MTAP: variants seen among roughly 807,000 people sequenced by gnomAD.
MTAP encodes the protein S-methyl-5'-thioadenosine phosphorylase.
A neutral mutation model predicts 33.6 loss-of-function variants in MTAP; 33 were observed. The ratio of observed to expected loss-of-function variants is 0.98; its 90% CI spans 0.74 to 1.31. The LOEUF is 1.31. Among genes scored for constraint, MTAP ranks in the 40% most tolerant of loss-of-function variants. The pLI is 0.00. For missense variants in MTAP, 367 were observed against 360.0 expected (o/e 1.02, Z -0.16); for synonymous variants, 148 against 125.7 (o/e 1.18, Z -1.19).
chr9:21,936,350 C>T (rs1819041351), exon 8 of MTAP: 1 of 152,220 alleles, frequency 6.6e-6, no homozygotes, highest in South Asian at 2.1e-4. Context: ...TTGGACATAT[C>T]TATCCAGACA....
At chr9:21,826,677 C>A (rs1267994174) in intron 4 of MTAP, among the ~76,000 whole-genome samples, 1 of 149,884 alleles carries the variant, frequency 6.7e-6, no homozygotes, top group African/African-American at 2.5e-5. Context: ...ATATATTGTT[C>A]CTTTACCCCC....
chr9:21,909,860 T>C (rs570441290), intron 1 of MTAP, among the ~76,000 whole-genome samples: 54 of 152,280 alleles, frequency 3.5e-4, no homozygotes, highest in Non-Finnish European at 6.6e-4. Context: ...AAGCTCGGGA[T>C]GTTATGTAAC....
chr9:21,931,092 T>C (rs1268627930), exon 2 of MTAP: 1 of 764,050 alleles, frequency 1.3e-6, no homozygotes, highest in Admixed American at 1.7e-5. Flanking sequence ...ACTCCTAGAC[T>C]TCCCATCAGT....
At chr9:21,856,310 C>T (rs1825641269) in intron 6 of MTAP, 1 of 311,718 alleles carries the variant, frequency 3.2e-6, no homozygotes, top group East Asian at 1.7e-4. Context: ...TGTTTTGGGT[C>T]ATAGATGAAC....
intron 1 of MTAP, among the ~76,000 whole-genome samples, chr9:21,916,844 A>G (rs1211806366): frequency 6.6e-6 from 1 of 152,168 alleles, no homozygotes; most frequent in Admixed American, 6.5e-5. Flanking sequence ...GAAAGAAAAA[A>G]AAATCTGTTG....
chr9:21,808,818 T>C (rs1353540681), intron 1 of MTAP: 4 of 152,200 alleles, frequency 2.6e-5, no homozygotes, highest in African/African-American at 4.8e-5. Context: ...TATTCTGTTA[T>C]AGCAGCAGAA....
exon 8 of MTAP, chr9:21,936,365 A>G (rs550416038): frequency 5.3e-5 from 8 of 152,352 alleles, no homozygotes; most frequent in African/African-American, 1.7e-4. Context: ...CAGACAGATG[A>G]TGATAAATTT....
At chr9:21,849,736 C>T (rs1171818919) in intron 5 of MTAP, among the ~76,000 whole-genome samples, 1 of 152,240 alleles carries the variant, frequency 6.6e-6, no homozygotes, top group Non-Finnish European at 1.5e-5. Context: ...CCCCATTTAT[C>T]TCTCCCATTT....
intron 4 of MTAP, among the ~76,000 whole-genome samples, chr9:21,819,911 ATG>A (rs1288593769): frequency 2.0e-5 from 3 of 152,044 alleles, no homozygotes; most frequent in Non-Finnish European, 2.9e-5. Context: ...GCATTTTTTC[ATG>A]TGTCTTTTGG....
In MTAP at chr9:21,864,350, A is replaced by T. The variant is rs1325537904; in HGVS notation, c.*2336A>T. ...ACTTCTCACTTGTGATGCTGTACTA[A>T]TTTTTTTTTTTTAATTTAAGCTAGT... On this transcript the variant is annotated 3_prime_UTR_variant, in exon 8 of 8. Transcript: ENST00000644715. The T allele has an allele frequency of 2.5e-5, 21 of 844,816 alleles. No individual in the cohort carries two copies. The highest frequency in any genetic ancestry group is 2.7e-5 in the Non-Finnish European group (19 of 703,262). 52.3% of individuals were successfully genotyped at this position (844,816 alleles called of 1,614,324 possible).
chr9:21,873,459 G>A (rs1318952520), intron 1 of MTAP, among the ~76,000 whole-genome samples: 1 of 152,084 alleles, frequency 6.6e-6, no homozygotes, highest in African/African-American at 2.4e-5. Context: ...CTTCATGAAT[G>A]AGATTAGTTT....
chr9:21,936,403 C>G (rs539326574), exon 8 of MTAP: 1 of 152,320 alleles, frequency 6.6e-6, no homozygotes, highest in African/African-American at 2.4e-5. Flanking sequence ...TCAGACTGCT[C>G]TGGGCTACTT....
intron 1 of MTAP, among the ~76,000 whole-genome samples, chr9:21,875,115 T>G (rs1266027081): frequency 3.9e-5 from 6 of 152,174 alleles, no homozygotes; most frequent in Admixed American, 2.6e-4. Flanking sequence ...TCTTTACTCT[T>G]GTGAATAGTG....
At chr9:21,935,138 TAAG>T (rs1470540726), downstream of MTAP, 5 of 152,170 alleles carry the variant, frequency 3.3e-5, no homozygotes, top group Non-Finnish European at 7.3e-5. Flanking sequence ...CAATTAAAAT[TAAG>T]AACAATTGAA....
chr9:21,804,538 T>G (rs1824155236), intron 1 of MTAP, among the ~76,000 whole-genome samples: 1 of 152,230 alleles, frequency 6.6e-6, no homozygotes, highest in Non-Finnish European at 1.5e-5. Context: ...GTGCTAGGAC[T>G]GCCTGCTGAT....
chr9:21,820,571 G>GCA (rs1432919071), intron 4 of MTAP, among the ~76,000 whole-genome samples: 15 of 152,214 alleles, frequency 9.9e-5, no homozygotes, highest in Admixed American at 4.6e-4. Context: ...AAGTCAGGTA[G>GCA]TGAGATGCCT....
chr9:21,900,159 C>T (rs1818366476), intron 1 of MTAP, among the ~76,000 whole-genome samples: 1 of 152,048 alleles, frequency 6.6e-6, no homozygotes, highest in Non-Finnish European at 1.5e-5. Context: ...GCAATTGCAA[C>T]AAGAACAAAA....
chr9:21,837,224 A>G (rs1227608359), intron 4 of MTAP, among the ~76,000 whole-genome samples: 2 of 152,234 alleles, frequency 1.3e-5, no homozygotes, highest in Non-Finnish European at 2.9e-5. Flanking sequence ...GAGGCAGCGA[A>G]CAAAGATTCC....
At chr9:21,835,997 T>TC (rs912710550) in intron 4 of MTAP, among the ~76,000 whole-genome samples, 1 of 152,186 alleles carries the variant, frequency 6.6e-6, no homozygotes, top group East Asian at 1.9e-4. Context: ...CCCTTGCTTC[T>TC]CCCCCAGGGC....
Sources: allele counts gnomAD v4.1 joint callset (sites outside exome capture counted in the v4.1 genomes callset), GRCh38; gene constraint gnomAD v4.1.1; transcripts MANE v1.5; gene names NCBI Gene and HGNC (gene_info 2026-07-23, HGNC 2026-07-21).